Variants in SLC9B2 observed in about 807,000 individuals in gnomAD.
The protein encoded by SLC9B2 is solute carrier family 9 member B2, also known as sodium/hydrogen exchanger 9B2.
A neutral mutation model predicts 52.2 loss-of-function variants in SLC9B2; 39 were observed. The ratio of observed to expected loss-of-function variants is 0.75; its 90% CI spans 0.58 to 0.98. The LOEUF (loss-of-function observed/expected upper bound fraction) is 0.98. Among genes scored for constraint, SLC9B2 ranks in the 50% least tolerant of loss-of-function variants. SLC9B2 has a pLI of 0.00. For synonymous variants in SLC9B2, 214 were observed against 227.0 expected (o/e 0.94, Z 0.51); for missense variants, 626 against 637.5 (o/e 0.98, Z 0.19).
intron 3 of SLC9B2, among the ~76,000 whole-genome samples, chr4:103,062,341 C>T (rs182084339): frequency 3.3e-5 from 5 of 151,938 alleles, no homozygotes; most frequent in Admixed American, 2.6e-4. Context: ...ATTGCTTGAA[C>T]CCAGGAGGTG....
At chr4:103,047,489 C>T (rs965558322) in intron 6 of SLC9B2, among the ~76,000 whole-genome samples, 4 of 151,078 alleles carry the variant, frequency 2.6e-5, no homozygotes, top group African/African-American at 4.9e-5. Context: ...TTCTGCTGCA[C>T]CCATTAACTC....
rs556103089 is a variant in SLC9B2 at position 103,035,924 on chromosome 4, C to A, written c.1147-4116G>T. On this transcript the variant is annotated intron_variant, in intron 9 of 11. Coordinates refer to ENST00000394785, the MANE Select transcript of SLC9B2 (RefSeq NM_178833.7). Reference sequence around the variant, plus strand: ...TAAAGAAAATGTGGTACATATACACCATAGAATACTATGCAGATATGAAAA... The same window carrying A: ...TAAAGAAAATGTGGTACATATACACAATAGAATACTATGCAGATATGAAAA... Among the ~76,000 whole-genome samples, 4 of 152,180 alleles carry A rather than the reference C, an allele frequency of 2.6e-5. No homozygotes were observed. In the East Asian group the frequency reaches 7.7e-4, roughly 29 times the overall value.
chr4:103,019,533 T>C (rs1414260325), downstream of SLC9B2: 4 of 974,832 alleles, frequency 4.1e-6, no homozygotes, highest in East Asian at 3.4e-4. Flanking sequence ...AAGGAAACGA[T>C]CGCGGCAGAC....
At chr4:103,074,531 ACTG>A (rs1197237789) in intron 1 of SLC9B2, among the ~76,000 whole-genome samples, 1 of 152,228 alleles carries the variant, frequency 6.6e-6, no homozygotes, top group Non-Finnish European at 1.5e-5. Flanking sequence ...TGATCAGAAC[ACTG>A]CCTTTGTATT....
intron 3 of SLC9B2, among the ~76,000 whole-genome samples, chr4:103,060,028 T>C (rs1422293369): frequency 6.6e-6 from 1 of 152,126 alleles, no homozygotes; most frequent in Non-Finnish European, 1.5e-5. Flanking sequence ...GGAATTCTTT[T>C]TCCTTGTTTT....
intron 9 of SLC9B2, chr4:103,041,971 C>T (rs889470782): frequency 6.6e-6 from 1 of 152,128 alleles, no homozygotes; most frequent in African/African-American, 2.4e-5. Flanking sequence ...CAGAGCCATA[C>T]AGCGTAGCAA....
intron 3 of SLC9B2, among the ~76,000 whole-genome samples, chr4:103,062,097 A>G (rs1745695508): frequency 6.6e-6 from 1 of 152,238 alleles, no homozygotes; most frequent in South Asian, 2.1e-4. Flanking sequence ...ACCCAAGCTA[A>G]TATTAAATTC....
At position 103,031,798 on chromosome 4, in the gene SLC9B2, T is replaced by G. The variant is rs376502853; in HGVS notation, c.1157A>C (p.Glu386Ala). Residue 386 changes from glutamate to alanine, a missense_variant, in exon 10 of 12, where the codon GAA becomes GCA. Coordinates refer to ENST00000394785, the MANE Select transcript of SLC9B2 (RefSeq NM_178833.7). The part of the protein sequence containing the change: ...MGWTSEKAEV[E>A]KIIAVAWDIF... ...GTCCCAGGCAACTGCAATTATCTTT[T>G]CAACCTCTGCCTAAAATAACAATAA... 3.1e-6 allele frequency: 5 copies of G among 1,612,420 alleles called. No individual in the cohort carries two copies. In the African/African-American group the frequency reaches 6.7e-5, roughly 22 times the overall value.
In SLC9B2 at chr4:103,030,611, G is replaced by C. The variant is rs115880706; in HGVS notation, c.1255+1089C>G. ...GTCCGAAAAGAAGACAAGAGAGGTA[G>C]CATGGTAGAGACGGGGGGAAGTGAA... is the stretch of plus-strand genomic sequence containing the variant. On this transcript the variant is annotated intron_variant, in intron 10 of 11. Transcript: ENST00000394785. Among the ~76,000 whole-genome samples, 671 of 152,104 alleles carry C rather than the reference G, an allele frequency of 4.4e-3. 8 individuals are homozygous for C. Among genetic ancestry groups the C allele is most frequent in the African/African-American group, 0.016 (649 of 41,494 alleles).
intron 4 of SLC9B2, among the ~76,000 whole-genome samples, chr4:103,051,302 G>A (rs528984385): frequency 6.6e-6 from 1 of 152,316 alleles, no homozygotes; most frequent in East Asian, 1.9e-4. Flanking sequence ...GTGAGAGACT[G>A]AGCCTCTTCC....
Position 103,026,449 on chromosome 4 carries a change from A to T in SLC9B2, c.1535T>A (p.Leu512Gln). Residue 512 changes from leucine (L) to glutamine (Q), a missense_variant, in exon 12 of 12, where the codon CTG becomes CAG. By Grantham distance (113) the Leu-to-Gln change is moderately radical. Coordinates refer to ENST00000394785, the MANE Select transcript of SLC9B2 (RefSeq NM_178833.7). ...AACTTTCTGCAGAAGCCTGGGGCCCAGTAAACCAATAAGCAGACTTCCAAT... is the reference window on the plus strand; with the variant it reads ...AACTTTCTGCAGAAGCCTGGGGCCCTGTAAACCAATAAGCAGACTTCCAAT... ...APIGSLLIGL[L>Q]GPRLLQKVEH... 6.2e-7 allele frequency: 1 copy of T among 1,613,958 alleles called. No individual in the cohort carries two copies. The highest frequency in any genetic ancestry group is 8.5e-7 in the Non-Finnish European group (1 of 1,179,896).
At chr4:103,048,864 T>C in intron 6 of SLC9B2, 29 bp downstream of exon 6, 3 of 1,610,434 alleles carry the variant, frequency 1.9e-6, no homozygotes, top group Non-Finnish European at 2.5e-6. Flanking sequence ...TCCCTACATA[T>C]TTTCATATGA....
At chr4:103,073,672 C>T (rs1461458122) in intron 1 of SLC9B2, among the ~76,000 whole-genome samples, 1 of 152,134 alleles carries the variant, frequency 6.6e-6, no homozygotes, top group East Asian at 1.9e-4. Context: ...AAGGAAAACA[C>T]TATATAATGA....
intron 11 of SLC9B2, 83 bp from the exon 12 acceptor site, chr4:103,026,674 C>G: frequency 2.3e-6 from 3 of 1,288,542 alleles, no homozygotes; most frequent in Non-Finnish European, 3.2e-6. Context: ...TTTGCAAAAG[C>G]AAATTGCTTG....
chr4:103,042,701 C>G (rs1319805207), intron 9 of SLC9B2, among the ~76,000 whole-genome samples: 1 of 151,410 alleles, frequency 6.6e-6, no homozygotes, highest in African/African-American at 2.4e-5. Flanking sequence ...TTGGTACAGT[C>G]TTTTAAAAGG....
intron 1 of SLC9B2, among the ~76,000 whole-genome samples, chr4:103,074,969 G>C (rs140428466): frequency 6.6e-6 from 1 of 152,078 alleles, no homozygotes; most frequent in Non-Finnish European, 1.5e-5. Flanking sequence ...CTCTTGTTAC[G>C]TCCCAGTCCT....
At chr4:103,041,470 G>A (rs564867637) in intron 9 of SLC9B2, among the ~76,000 whole-genome samples, 39 of 152,186 alleles carry the variant, frequency 2.6e-4, no homozygotes, top group Admixed American at 9.2e-4. Flanking sequence ...CAGTGTAATC[G>A]GAAGTGATCA....
At chr4:103,058,662 A>G (rs913496831) in intron 3 of SLC9B2, among the ~76,000 whole-genome samples, 4 of 152,160 alleles carry the variant, frequency 2.6e-5, no homozygotes, top group Non-Finnish European at 4.4e-5. Context: ...TCAGCCTTCC[A>G]AAGTGCTGGG....
rs778690172 is a variant in SLC9B2 at position 103,031,725 on chromosome 4, A to C, written c.1230T>G (p.Ile410Met). Residue 410 changes from isoleucine (I) to methionine (M), a missense_variant, in exon 10 of 12, where the codon ATT becomes ATG. Physicochemically the swap from Ile to Met is conservative, Grantham distance 10. Transcript: ENST00000394785. ...LFGLIGAEVS[I>M]ASLRPETVGL... ...CTACAGTTTCTGGTCTGAGAGATGCAATAGATACCTCTGCTCCAATTAGTC... is the reference window on the plus strand; with the variant it reads ...CTACAGTTTCTGGTCTGAGAGATGCCATAGATACCTCTGCTCCAATTAGTC... 1.2e-6 allele frequency: 2 copies of C among 1,612,746 alleles called. No homozygotes were observed. Among genetic ancestry groups the C allele is most frequent in the South Asian group, 2.2e-5 (2 of 91,026 alleles).
Sources: allele counts gnomAD v4.1 joint callset (sites outside exome capture counted in the v4.1 genomes callset), GRCh38; gene constraint gnomAD v4.1.1; transcripts MANE v1.5; gene names NCBI Gene and HGNC (gene_info 2026-07-23, HGNC 2026-07-21).